The following CDK14 variants were observed in gnomAD, a reference collection of about 807,000 sequenced individuals.
CDK14 encodes cyclin-dependent kinase 14.
CDK14 carries 34 observed loss-of-function variants against 60.7 expected under a neutral mutation model. That is an observed-to-expected ratio of 0.56 (90% CI 0.43 to 0.75). The LOEUF (loss-of-function observed/expected upper bound fraction) is 0.75. Among genes scored for constraint, CDK14 ranks in the 30% least tolerant of loss-of-function variants. The pLI is 0.00. For missense variants in CDK14, 482 were observed against 564.1 expected (o/e 0.85, Z 1.47); for synonymous variants, 197 against 203.7 (o/e 0.97, Z 0.28).
chr7:90,608,824 CA>C (rs1368859943), intron 2 of CDK14, among the ~76,000 whole-genome samples: 4 of 151,824 alleles, frequency 2.6e-5, no homozygotes, highest in African/African-American at 9.7e-5. Context: ...AAAATGTATA[CA>C]AAGCGTATAA....
chr7:91,107,984 T>A (rs1799354679), intron 12 of CDK14, among the ~76,000 whole-genome samples: 1 of 152,236 alleles, frequency 6.6e-6, no homozygotes. Context: ...GTATTTGGAT[T>A]ATGATCAGCT....
chr7:90,641,411 A>G (rs994926141), intron 2 of CDK14, among the ~76,000 whole-genome samples: 1 of 152,342 alleles, frequency 6.6e-6, no homozygotes, highest in Non-Finnish European at 1.5e-5. Flanking sequence ...AAAGTGCAGC[A>G]TATCTATATA....
intron 6 of CDK14, among the ~76,000 whole-genome samples, chr7:90,883,618 G>T (rs920404883): frequency 6.6e-6 from 1 of 152,014 alleles, no homozygotes; most frequent in Non-Finnish European, 1.5e-5. Context: ...TAACAAAACT[G>T]GGAAGATAAA....
chr7:90,817,073 C>A (rs1789382719), intron 5 of CDK14, among the ~76,000 whole-genome samples: 1 of 152,158 alleles, frequency 6.6e-6, no homozygotes, highest in Non-Finnish European at 1.5e-5. Context: ...TCATTCAGAT[C>A]TCTCTGTATT....
At chr7:91,062,653 A>G (rs759694502) in intron 11 of CDK14, among the ~76,000 whole-genome samples, 8 of 152,190 alleles carry the variant, frequency 5.3e-5, no homozygotes, top group Non-Finnish European at 8.8e-5. Flanking sequence ...CTGTGTATCA[A>G]ATGCTTTCAT....
At chr7:90,750,991 AT>A (rs562330878) in intron 4 of CDK14, among the ~76,000 whole-genome samples, 3 of 152,314 alleles carry the variant, frequency 2.0e-5, no homozygotes, top group South Asian at 4.1e-4. Flanking sequence ...CAAAAATAAT[AT>A]TTTTTTAAAT....
intron 6 of CDK14, among the ~76,000 whole-genome samples, chr7:90,874,975 C>T (rs1026530475): frequency 1.7e-4 from 26 of 152,134 alleles, no homozygotes; most frequent in Non-Finnish European, 7.4e-5. Flanking sequence ...TTTTACAATT[C>T]ATTACCCTAA....
intron 2 of CDK14, among the ~76,000 whole-genome samples, chr7:90,672,572 T>TGTGTGATCATAGCTCACACATAGATCACA (rs1801120592): frequency 7.3e-6 from 1 of 137,170 alleles, no homozygotes; most frequent in Non-Finnish European, 1.5e-5. Flanking sequence ...CAGGCTGGAG[T>TGTGTGATCATAGCTCACACATAGATCACA]GCCATGGTGT....
intron 2 of CDK14, among the ~76,000 whole-genome samples, chr7:90,725,265 G>A (rs1165562941): frequency 6.6e-6 from 1 of 152,134 alleles, no homozygotes; most frequent in Non-Finnish European, 1.5e-5. Context: ...AATTCCACAT[G>A]TCTGGAGATA....
chr7:90,875,193 A>G (rs141994531), intron 6 of CDK14, among the ~76,000 whole-genome samples: 3 of 152,230 alleles, frequency 2.0e-5, no homozygotes, highest in African/African-American at 7.2e-5. Context: ...TCAGTACTTC[A>G]TACTTCCTTA....
At chr7:90,917,400 G>A (rs1434046491) in intron 7 of CDK14, among the ~76,000 whole-genome samples, 1 of 152,128 alleles carries the variant, frequency 6.6e-6, no homozygotes, top group Non-Finnish European at 1.5e-5. Context: ...ATAATAGGTT[G>A]TTAGAAATTC....
chr7:90,852,816 T>C (rs1790693989), intron 5 of CDK14, among the ~76,000 whole-genome samples: 1 of 152,068 alleles, frequency 6.6e-6, no homozygotes, highest in Non-Finnish European at 1.5e-5. Context: ...CTGAGTAGAG[T>C]CAGCCTGAGG....
chr7:91,198,633 G>A (rs1802625282), intron 14 of CDK14, among the ~76,000 whole-genome samples: 1 of 152,124 alleles, frequency 6.6e-6, no homozygotes, highest in Non-Finnish European at 1.5e-5. Context: ...CATGACTTCT[G>A]GTTCATGCTG....
intron 14 of CDK14, among the ~76,000 whole-genome samples, chr7:91,157,955 G>C (rs560228959): frequency 6.6e-6 from 1 of 151,812 alleles, no homozygotes; most frequent in Admixed American, 6.6e-5. Context: ...GGTCTGGCAC[G>C]TGCCATCTGG....
intron 2 of CDK14, among the ~76,000 whole-genome samples, chr7:90,678,233 T>G (rs909602156): frequency 3.4e-4 from 51 of 152,102 alleles, no homozygotes; most frequent in Admixed American, 3.1e-3. Context: ...GTTGGTGGGT[T>G]CTCCAAGACT....
chr7:91,084,170 T>C (rs961160910), intron 12 of CDK14, among the ~76,000 whole-genome samples: 1 of 152,200 alleles, frequency 6.6e-6, no homozygotes, highest in African/African-American at 2.4e-5. Context: ...CAGTGAATCT[T>C]ATGAAGGGAA....
intron 2 of CDK14, among the ~76,000 whole-genome samples, chr7:90,633,642 C>CT (rs1315793498): frequency 6.6e-6 from 1 of 152,178 alleles, no homozygotes; most frequent in East Asian, 1.9e-4. Flanking sequence ...CGAATAAAAT[C>CT]TATCTTTTGT....
At chr7:91,135,107 G>A (rs1429077235) in intron 14 of CDK14, among the ~76,000 whole-genome samples, 2 of 151,848 alleles carry the variant, frequency 1.3e-5, no homozygotes, top group African/African-American at 4.8e-5. Context: ...AGTAAGCTCT[G>A]CCTTTTGAAT....
chr7:90,707,303 C>A (rs7787049), intron 2 of CDK14, among the ~76,000 whole-genome samples: 14,992 of 152,144 alleles, frequency 0.099, 810 homozygotes, highest in Non-Finnish European at 0.12. Context: ...TTTCCCTTTC[C>A]ATAGACTTCA....
Sources: allele counts gnomAD v4.1 joint callset (sites outside exome capture counted in the v4.1 genomes callset), GRCh38; gene constraint gnomAD v4.1.1; transcripts MANE v1.5; gene names NCBI Gene and HGNC (gene_info 2026-07-23, HGNC 2026-07-21).